The following CXCR6 variants were observed in gnomAD, a reference collection of about 807,000 sequenced individuals.
CXCR6 encodes C-X-C motif chemokine receptor 6.
CXCR6 carries 3 observed loss-of-function variants against 1.6 expected under a neutral mutation model. The observed-to-expected ratio is 1.83, with a 90% CI of 0.83 to 4.72. The LOEUF is 4.72. CXCR6 is among the 30% of genes most tolerant of loss of function. CXCR6 has a pLI of 0.02. For synonymous variants in CXCR6, 171 were observed against 159.2 expected, an observed-to-expected ratio of 1.07 and a Z score of -0.56; for missense variants, 326 against 414.8, an observed-to-expected ratio of 0.79 and a Z score of 1.86.
upstream of CXCR6, among the ~76,000 whole-genome samples, chr3:45,941,655 GC>G (rs909922289): frequency 2.0e-5 from 3 of 152,176 alleles, no homozygotes; most frequent in African/African-American, 7.2e-5. Context: ...CGATAAACAA[GC>G]CATGCTTTCT....
Position 45,946,428 on chromosome 3 carries a change from CCCCAAATATAATT to C in CXCR6, c.-21-30_-21-18del. ...GGAAGACAAAGAATGCCATCCTCAG[CCCCAAATATAATT>C]CCTGGGTTCTGACTCACAGGTGTTC... On this transcript the variant is annotated intron_variant, in intron 1 of 1. Coordinates refer to ENST00000304552, the MANE Select transcript of CXCR6 (RefSeq NM_006564.2). 1 of 1,495,834 alleles carries C rather than the reference CCCCAAATATAATT, an allele frequency of 6.7e-7. No homozygotes were observed. Among genetic ancestry groups the C allele is most frequent in the Non-Finnish European group, 9.2e-7 (1 of 1,089,974 alleles). The allele number at this position is 1,495,834 out of a possible 1,614,324, so 92.7% of individuals were successfully genotyped here. A position where few individuals can be genotyped will look rare whatever the true frequency, so the allele number is the denominator to read the frequency against.
intron 1 of CXCR6, chr3:45,945,007 G>C (rs1361420102): frequency 6.6e-6 from 1 of 152,120 alleles, no homozygotes; most frequent in Non-Finnish European, 1.5e-5. Flanking sequence ...CAATTGTGAC[G>C]TAAGGGCAAG....
Position 45,946,861 on chromosome 3 carries a change from G to T in CXCR6, c.380G>T (p.Arg127Leu). The change falls in exon 2 of 2, where the codon CGT becomes CTT. Residue 127 changes from arginine to leucine, a missense_variant. Transcript: ENST00000304552. The stretch of plus-strand genomic sequence containing the variant: ...ATCCTCACCTGCATCACTGTGGATC[G>T]TTTCATTGTAGTGGTTAAGGCCACC... The part of the protein sequence containing the change: ...MLILTCITVD[R>L]FIVVVKATKA... The T allele has an allele frequency of 3.7e-6, 6 of 1,614,178 alleles. No individual in the cohort carries two copies. The highest frequency in any genetic ancestry group is 5.1e-6 in the Non-Finnish European group (6 of 1,180,032).
In CXCR6 at chr3:45,946,871, A is replaced by G. The variant is rs1451682027; in HGVS notation, c.390A>G (p.Val130=). 1 of 1,614,210 alleles carries G rather than the reference A, an allele frequency of 6.2e-7. No individual in the cohort carries two copies. The highest frequency in any genetic ancestry group is 8.5e-7 in the Non-Finnish European group (1 of 1,180,036). The change falls in exon 2 of 2, where the codon GTA becomes GTG. Residue 130 remains valine (V), a synonymous_variant. Coordinates refer to ENST00000304552, the MANE Select transcript of CXCR6 (RefSeq NM_006564.2). ...GCATCACTGTGGATCGTTTCATTGTAGTGGTTAAGGCCACCAAGGCCTACA... is the reference window on the plus strand; with the variant it reads ...GCATCACTGTGGATCGTTTCATTGTGGTGGTTAAGGCCACCAAGGCCTACA... ...LTCITVDRFI[V]VVKATKAYNQ... is the part of the protein sequence containing the mutation.
intron 1 of CXCR6, 139 bp from the exon 2 acceptor site, chr3:45,946,322 G>T (rs1036812936): frequency 6.4e-6 from 4 of 628,434 alleles, no homozygotes; most frequent in Non-Finnish European, 1.1e-5. Flanking sequence ...CAATATACTG[G>T]ACTGTGCTGT....
upstream of CXCR6, among the ~76,000 whole-genome samples, chr3:45,941,646 G>A (rs566139650): frequency 8.5e-5 from 13 of 152,288 alleles, no homozygotes; most frequent in Admixed American, 5.9e-4. Flanking sequence ...GAATGGCCAC[G>A]ATAAACAAGC....
At chr3:45,942,465 T>C (rs750922569), upstream of CXCR6, among the ~76,000 whole-genome samples, 2 of 152,128 alleles carry the variant, frequency 1.3e-5, no homozygotes, top group Non-Finnish European at 2.9e-5. Context: ...GCCTAGCAGG[T>C]GGGAGAGAGC....
intron 1 of CXCR6, chr3:45,945,602 A>C (rs1704541508): frequency 6.6e-6 from 1 of 152,142 alleles, no homozygotes; most frequent in African/African-American, 2.4e-5. Context: ...CCTGCCAATC[A>C]CAGGAGCTAA....
chr3:45,947,087 G>A lies in CXCR6; in HGVS notation c.606G>A (p.Leu202=). 1 of 1,614,180 alleles carries A rather than the reference G, an allele frequency of 6.2e-7. No individual in the cohort carries two copies. The highest frequency in any genetic ancestry group is 1.7e-5 in the Admixed American group (1 of 60,018). Residue 202 remains leucine, a synonymous_variant, in exon 2 of 2, where the codon TTG becomes TTA. Transcript: ENST00000304552. ...LATQMTLGFF[L]PLLTMIVCYS... ...CCCAGATGACACTGGGGTTCTTCTTGCCACTGCTCACCATGATTGTCTGCT... is the reference window on the plus strand; with the variant it reads ...CCCAGATGACACTGGGGTTCTTCTTACCACTGCTCACCATGATTGTCTGCT...
At chr3:45,943,927 T>A (rs942835130) in intron 1 of CXCR6, among the ~76,000 whole-genome samples, 16 of 152,210 alleles carry the variant, frequency 1.1e-4, no homozygotes, top group Admixed American at 7.9e-4. Flanking sequence ...TTATGTTCTT[T>A]TTTCAATATA....
intron 1 of CXCR6, among the ~76,000 whole-genome samples, chr3:45,944,801 A>G (rs1252706750): frequency 6.6e-6 from 1 of 152,214 alleles, no homozygotes; most frequent in Non-Finnish European, 1.5e-5. Flanking sequence ...AGAGCGAGTC[A>G]AGCAATAATG....
chr3:45,946,491 C>A lies in CXCR6; in HGVS notation c.10C>A (p.His4Asn), dbSNP rs1704616638. The A allele has an allele frequency of 6.2e-7, 1 of 1,612,426 alleles. No homozygotes were observed. Among genetic ancestry groups the A allele is most frequent in the Non-Finnish European group, 8.5e-7 (1 of 1,178,846 alleles). The change falls in exon 2 of 2, where the codon CAT (histidine) becomes AAT (asparagine). Residue 4 changes from histidine to asparagine, a missense_variant. Physicochemically the swap from His to Asn is moderately conservative, Grantham distance 68. Transcript: ENST00000304552. ...CATCAGAACAGACACCATGGCAGAG[C>A]ATGATTACCATGAAGACTATGGGTT... is the stretch of plus-strand genomic sequence containing the variant. The part of the protein sequence containing the change: MAE[H>N]DYHEDYGFSS...
chr3:45,946,242 C>A, intron 1 of CXCR6: 1 of 479,758 alleles, frequency 2.1e-6, no homozygotes, highest in Non-Finnish European at 3.7e-6. Flanking sequence ...GGGTGAGATC[C>A]TGAGAATTTT....
rs1271658746 is a variant in CXCR6, at chr3:45,947,521, G to T, written c.*11G>T. The T allele has an allele frequency of 6.2e-7, 1 of 1,605,638 alleles. No individual in the cohort carries two copies. The highest frequency in any genetic ancestry group is 8.5e-7 in the Non-Finnish European group (1 of 1,173,322). ...ATGTTCCAGTTATAGGCCTTGCCAG[G>T]GTTTCGAGAAGCTGCTCTGGAATTT... On this transcript the variant is annotated 3_prime_UTR_variant, in exon 2 of 2. Coordinates refer to ENST00000304552, the MANE Select transcript of CXCR6 (RefSeq NM_006564.2).
chr3:45,947,615 A>T lies in CXCR6; in HGVS notation c.*105A>T, dbSNP rs897056904. ...GTTTATAGCTTGCGCATTCTCATGG[A>T]GAAGTTATCAGACACTCTGGCTGGT... is the stretch of plus-strand genomic sequence containing the variant. On this transcript the variant is annotated 3_prime_UTR_variant, in exon 2 of 2. Coordinates refer to ENST00000304552, the MANE Select transcript of CXCR6 (RefSeq NM_006564.2). The T allele has an allele frequency of 9.6e-6, 8 of 829,912 alleles. No individual in the cohort carries two copies. The African/African-American group carries it at 1.4e-4, about 14-fold the overall frequency. 51.4% of individuals were successfully genotyped at this position (829,912 alleles called of 1,614,324 possible). A position where few individuals can be genotyped will look rare whatever the true frequency, so the allele number is the denominator to read the frequency against.
rs779105234 is a variant in CXCR6 at position 45,946,988 on chromosome 3, T to C, written c.507T>C (p.Tyr169=). 54 of 1,614,118 alleles carry C rather than the reference T, an allele frequency of 3.3e-5. No homozygotes were observed. The highest frequency in any genetic ancestry group is 4.6e-5 in the Non-Finnish European group (54 of 1,180,050). The part of the protein sequence containing the change: ...SLLVSLPQII[Y]GNVFNLDKLI... Reference sequence around the variant, plus strand: ...TGGTTTCCTTGCCCCAAATTATCTATGGCAATGTCTTTAATCTCGACAAGC... The same window carrying C: ...TGGTTTCCTTGCCCCAAATTATCTACGGCAATGTCTTTAATCTCGACAAGC... The change falls in exon 2 of 2, where the codon TAT becomes TAC. Residue 169 remains tyrosine (Y), a synonymous_variant. Transcript: ENST00000304552.
rs747385084 is a variant in CXCR6 at position 45,947,527 on chromosome 3, G to A, written c.*17G>A. On this transcript the variant is annotated 3_prime_UTR_variant, in exon 2 of 2. Coordinates refer to ENST00000304552, the MANE Select transcript of CXCR6 (RefSeq NM_006564.2). Reference sequence around the variant, plus strand: ...CAGTTATAGGCCTTGCCAGGGTTTCGAGAAGCTGCTCTGGAATTTGCAAGT... The same window carrying A: ...CAGTTATAGGCCTTGCCAGGGTTTCAAGAAGCTGCTCTGGAATTTGCAAGT... The A allele has an allele frequency of 2.1e-5, 33 of 1,600,014 alleles. No individual in the cohort carries two copies. The highest frequency in any genetic ancestry group is 6.7e-5 in the Admixed American group (4 of 59,626).
In CXCR6 at chr3:45,947,786, C is replaced by T. The variant is rs1315056020; in HGVS notation, c.*276C>T. 1 of 430,048 alleles carries T rather than the reference C, an allele frequency of 2.3e-6. No homozygotes were observed. The highest frequency in any genetic ancestry group is 4.4e-6 in the Non-Finnish European group (1 of 228,902). The allele number at this position is 430,048 out of a possible 1,614,324, so 26.6% of individuals were successfully genotyped here. A position where few individuals can be genotyped will look rare whatever the true frequency, so the allele number is the denominator to read the frequency against. ...TGAAACCAAGGGGGATGACATGTGA[C>T]TCCTATGATCTCAGGTTCTCCTTGA... On this transcript the variant is annotated 3_prime_UTR_variant, in exon 2 of 2. Coordinates refer to ENST00000304552, the MANE Select transcript of CXCR6 (RefSeq NM_006564.2).
Position 45,947,286 on chromosome 3 carries a change from A to C in CXCR6, c.805A>C (p.Thr269Pro). Reference protein sequence around the residue: ...EYYAMTSFHYTIMVTEAIAYL... With the variant: ...EYYAMTSFHYPIMVTEAIAYL... ...CTATGCCATGACCAGCTTTCACTAC[A>C]CCATCATGGTGACAGAGGCCATCGC... The change falls in exon 2 of 2, where the codon ACC becomes CCC. Residue 269 changes from threonine (T) to proline (P), a missense_variant. Physicochemically the swap from Thr to Pro is conservative, Grantham distance 38 (BLOSUM62 -1). Coordinates refer to ENST00000304552, the MANE Select transcript of CXCR6 (RefSeq NM_006564.2). 1 of 1,613,948 alleles carries C rather than the reference A, an allele frequency of 6.2e-7. No homozygotes were observed. Among genetic ancestry groups the C allele is most frequent in the Non-Finnish European group, 8.5e-7 (1 of 1,180,014 alleles).
Sources: gnomAD v4.1 joint callset for allele counts (sites outside exome capture counted in the v4.1 genomes callset) on GRCh38, gnomAD v4.1.1 for gene constraint, MANE v1.5 for transcripts, NCBI Gene and HGNC (gene_info 2026-07-23, HGNC 2026-07-21) for gene names.